DAOA: variants seen among roughly 807,000 people sequenced by gnomAD.
The protein encoded by DAOA is D-amino acid oxidase regulator.
DAOA carries 15 observed loss-of-function variants against 16.4 expected under a neutral mutation model. The observed-to-expected ratio is 0.91, with a 90% CI of 0.61 to 1.41. The LOEUF is 1.41. Ranked by LOEUF, DAOA falls within the 40% of genes most tolerant of loss-of-function variation. The pLI is 0.00. For missense variants in DAOA, 230 were observed against 176.8 expected (o/e 1.30, Z -1.71); for synonymous variants, 75 against 59.1 (o/e 1.27, Z -1.23).
At chr13:105,476,980 A>C (rs1246734903) in intron 4 of DAOA, 2 of 152,166 alleles carry the variant, frequency 1.3e-5, no homozygotes, top group Non-Finnish European at 2.9e-5. Flanking sequence ...GTTCTGAGGA[A>C]TCCTCAGCAA....
At chr13:105,470,749 A>G (rs1481287137) in intron 3 of DAOA, among the ~76,000 whole-genome samples, 1 of 151,990 alleles carries the variant, frequency 6.6e-6, no homozygotes, top group Non-Finnish European at 1.5e-5. Flanking sequence ...AGCTGAGACT[A>G]CAGGCACACA....
At chr13:105,487,680 A>C (rs1223599396) in intron 4 of DAOA, among the ~76,000 whole-genome samples, 2 of 152,244 alleles carry the variant, frequency 1.3e-5, no homozygotes, top group African/African-American at 4.8e-5. Context: ...CTAGAAAATT[A>C]ATTAACCAAT....
intron 3 of DAOA, among the ~76,000 whole-genome samples, chr13:105,467,413 G>A (rs1441711533): frequency 1.3e-5 from 2 of 152,062 alleles, no homozygotes; most frequent in Admixed American, 6.6e-5. Context: ...AAGCAAACAA[G>A]TAAATTTTTC....
rs189580726 is a variant in DAOA, at chr13:105,469,922, T to C, written c.134-2616T>C. On this transcript the variant is annotated intron_variant, in intron 3 of 5. Transcript: ENST00000375936. ...ATTGAATGCAAAGAGAATCACTCTATGTCTTTTTTTATTCCATATTGAGGG... is the reference window on the plus strand; with the variant it reads ...ATTGAATGCAAAGAGAATCACTCTACGTCTTTTTTTATTCCATATTGAGGG... Among the ~76,000 whole-genome samples, 52 of 152,296 alleles carry C rather than the reference T, an allele frequency of 3.4e-4. No individual in the cohort carries two copies. In the East Asian group the frequency reaches 9.5e-3, roughly 28 times the overall value.
intron 4 of DAOA, among the ~76,000 whole-genome samples, chr13:105,478,589 C>T (rs908847753): frequency 1.3e-5 from 2 of 152,134 alleles, no homozygotes; most frequent in South Asian, 2.1e-4. Context: ...TCTCCAGTTG[C>T]CTACATTTAG....
intron 4 of DAOA, among the ~76,000 whole-genome samples, chr13:105,485,239 T>G (rs1417406096): frequency 6.6e-6 from 1 of 152,174 alleles, no homozygotes; most frequent in African/African-American, 2.4e-5. Flanking sequence ...CCAAAGGCAT[T>G]TTTAACCACC....
At chr13:105,479,486 T>C (rs1475634323) in intron 4 of DAOA, among the ~76,000 whole-genome samples, 3 of 152,176 alleles carry the variant, frequency 2.0e-5, no homozygotes. Flanking sequence ...CACAGGCTGG[T>C]TCCCACTGGA....
At chr13:105,470,116 A>ATTTTTTTT (rs33937275) in intron 3 of DAOA, among the ~76,000 whole-genome samples, 94 of 142,256 alleles carry the variant, frequency 6.6e-4, no homozygotes, top group South Asian at 2.9e-3. Flanking sequence ...GCTCATTGGA[A>ATTTTTTTT]TTTTTTTTTT....
In DAOA at chr13:105,490,160, A is replaced by T. The variant is rs1456250786; in HGVS notation, c.*79A>T. The stretch of plus-strand genomic sequence containing the variant: ...CAACATCTTCACTGGACTCTGACGG[A>T]CTCTGTGTCTGGGACCCAGCTGATA... On this transcript the variant is annotated 3_prime_UTR_variant, in exon 5 of 6. Transcript: ENST00000375936. The T allele has an allele frequency of 1.4e-6, 2 of 1,464,894 alleles. No homozygotes were observed. The highest frequency in any genetic ancestry group is 1.8e-6 in the Non-Finnish European group (2 of 1,103,116). The allele number at this position is 1,464,894 out of a possible 1,614,324, so 90.7% of individuals were successfully genotyped here. A position where few individuals can be genotyped will look rare whatever the true frequency, so the allele number is the denominator to read the frequency against.
At chr13:105,485,318 G>T (rs1292374835) in intron 4 of DAOA, among the ~76,000 whole-genome samples, 1 of 152,068 alleles carries the variant, frequency 6.6e-6, no homozygotes, top group Non-Finnish European at 1.5e-5. Flanking sequence ...ATGAACCCAT[G>T]CTCAACCCAC....
rs570498783 is a variant in DAOA, at chr13:105,466,153, C to T, written c.-73-63C>T. On this transcript the variant is annotated intron_variant, in intron 1 of 5. Transcript: ENST00000375936. ...ATGATCTTTTGCTGCAAAAGAGCTA[C>T]ACCCCAAATTAGTGGCTTAAAGTAA... 4.4e-4 allele frequency: 606 copies of T among 1,371,454 alleles called. 9 individuals carry two copies. The South Asian group carries it at 8.2e-3, about 18-fold the overall frequency. 85.0% of individuals were successfully genotyped at this position (1,371,454 alleles called of 1,614,324 possible).
chr13:105,477,275 G>A (rs9582999), intron 4 of DAOA: 1 of 151,916 alleles, frequency 6.6e-6, no homozygotes. Flanking sequence ...CACCTTACCT[G>A]CAGTGCAGTC....
intron 3 of DAOA, among the ~76,000 whole-genome samples, chr13:105,472,259 A>T (rs1284738723): frequency 6.6e-6 from 1 of 152,168 alleles, no homozygotes; most frequent in East Asian, 1.9e-4. Context: ...TGCCATTTTG[A>T]TATTTTTGTT....
intron 4 of DAOA, among the ~76,000 whole-genome samples, chr13:105,480,417 C>T (rs1877635151): frequency 6.6e-6 from 1 of 151,722 alleles, no homozygotes; most frequent in Non-Finnish European, 1.5e-5. Flanking sequence ...TAGACATTTG[C>T]CACTTGGTTT....
intron 3 of DAOA, among the ~76,000 whole-genome samples, chr13:105,468,216 G>C (rs532078443): frequency 6.6e-6 from 1 of 152,176 alleles, no homozygotes; most frequent in African/African-American, 2.4e-5. Context: ...CCTCCCGGTC[G>C]TTAACATTAA....
intron 3 of DAOA, among the ~76,000 whole-genome samples, chr13:105,471,481 T>C (rs1876952776): frequency 6.6e-6 from 1 of 152,144 alleles, no homozygotes; most frequent in African/African-American, 2.4e-5. Flanking sequence ...ATATAAAAAA[T>C]AAATTGATGG....
Position 105,466,214 on chromosome 13 carries a change from A to C in DAOA, c.-73-2A>C. ...GTGTATATGATGATTCTGTTGGTCC[A>C]GGATTTGGAAAGGGCATGGCAGGAG... is the stretch of plus-strand genomic sequence containing the variant. On this transcript the variant is annotated splice_acceptor_variant, in intron 1 of 5. Coordinates refer to ENST00000375936, the MANE Select transcript of DAOA (RefSeq NM_172370.5). LOFTEE classifies it low-confidence loss of function (5UTR_SPLICE). 6.2e-7 allele frequency: 1 copy of C among 1,606,946 alleles called. No individual in the cohort carries two copies. Among genetic ancestry groups the C allele is most frequent in the Non-Finnish European group, 8.5e-7 (1 of 1,176,142 alleles).
chr13:105,479,963 C>A (rs1354168837), intron 4 of DAOA, among the ~76,000 whole-genome samples: 1 of 152,086 alleles, frequency 6.6e-6, no homozygotes, highest in Non-Finnish European at 1.5e-5. Context: ...CAAGATAAAT[C>A]AATTGGAAGA....
At chr13:105,477,840 A>C (rs184034695) in intron 4 of DAOA, among the ~76,000 whole-genome samples, 179 of 152,362 alleles carry the variant, frequency 1.2e-3, no homozygotes, top group Middle Eastern at 6.8e-3. Context: ...AGTTTTTAAA[A>C]TAATAGAATA....
Sources: allele counts gnomAD v4.1 joint callset (sites outside exome capture counted in the v4.1 genomes callset), GRCh38; gene constraint gnomAD v4.1.1; transcripts MANE v1.5; gene names NCBI Gene and HGNC (gene_info 2026-07-23, HGNC 2026-07-21).